MAGI2: variants seen among roughly 807,000 people sequenced by gnomAD.
The protein encoded by MAGI2 is membrane associated guanylate kinase, WW and PDZ domain containing 2, also known as membrane-associated guanylate kinase, WW and PDZ domain-containing protein 2.
A neutral mutation model predicts 133.3 loss-of-function variants in MAGI2; 35 were observed. That is an observed-to-expected ratio of 0.26 (90% CI 0.20 to 0.35). The LOEUF (loss-of-function observed/expected upper bound fraction) is 0.35. Ranked by LOEUF, MAGI2 falls within the 10% of genes least tolerant of loss-of-function variation. The pLI, the probability that MAGI2 is intolerant of heterozygous loss-of-function variation, is 1.00. For missense variants in MAGI2, 1,636 were observed against 1,863.4 expected (o/e 0.88, Z 2.25); for synonymous variants, 729 against 710.6 (o/e 1.03, Z -0.41).
chr7:79,372,225 T>G (rs10259758), intron 1 of MAGI2, among the ~76,000 whole-genome samples: 5 of 152,132 alleles, frequency 3.3e-5, no homozygotes, highest in Admixed American at 3.3e-4. Flanking sequence ...TAGTGTTTTG[T>G]CTTCACTGGA....
At chr7:79,368,496 AG>A (rs1182471632) in intron 1 of MAGI2, among the ~76,000 whole-genome samples, 1 of 152,194 alleles carries the variant, frequency 6.6e-6, no homozygotes, top group Non-Finnish European at 1.5e-5. Context: ...TCAGAAGACT[AG>A]GGAAAAAAAT....
chr7:78,815,234 T>C (rs1789462237), intron 2 of MAGI2, among the ~76,000 whole-genome samples: 1 of 152,202 alleles, frequency 6.6e-6, no homozygotes, highest in Admixed American at 6.6e-5. Flanking sequence ...GTAGTTTTAA[T>C]GCAGCAAGGG....
chr7:79,226,037 C>A (rs983632282), intron 1 of MAGI2, among the ~76,000 whole-genome samples: 1 of 152,064 alleles, frequency 6.6e-6, no homozygotes, highest in Admixed American at 6.6e-5. Flanking sequence ...TGATTCATAG[C>A]CTGTTCTGTT....
intron 9 of MAGI2, among the ~76,000 whole-genome samples, chr7:78,336,781 A>AGC (rs1789814303): frequency 1.4e-4 from 13 of 92,156 alleles, no homozygotes; most frequent in Non-Finnish European, 3.2e-4. Context: ...AAGAAGAAGA[A>AGC]AAGAAAGAAG....
intron 1 of MAGI2, among the ~76,000 whole-genome samples, chr7:79,149,159 A>G (rs1822956147): frequency 1.4e-5 from 2 of 145,358 alleles, no homozygotes; most frequent in African/African-American, 2.5e-5. Context: ...ATATATATAT[A>G]TTATATATAT....
chr7:78,705,284 C>T (rs1818527157), intron 2 of MAGI2, among the ~76,000 whole-genome samples: 1 of 152,024 alleles, frequency 6.6e-6, no homozygotes, highest in Admixed American at 6.6e-5. Flanking sequence ...CTTCCCCCTT[C>T]ACTCTCTCTT....
At position 78,670,186 on chromosome 7, in the gene MAGI2, C is replaced by T. The variant is rs913009581; in HGVS notation, c.419-42947G>A. On this transcript the variant is annotated intron_variant, in intron 2 of 21. Coordinates refer to ENST00000354212, the MANE Select transcript of MAGI2 (RefSeq NM_012301.4). ...ATCTAGAAAACCCCATTGTCTCAGCCCAAAATCTTCTTAAGCTGATAAGCA... is the reference window on the plus strand; with the variant it reads ...ATCTAGAAAACCCCATTGTCTCAGCTCAAAATCTTCTTAAGCTGATAAGCA... Among the ~76,000 whole-genome samples, 8 of 152,012 alleles carry T rather than the reference C, an allele frequency of 5.3e-5. No homozygotes were observed. The South Asian group carries it at 6.2e-4, about 12-fold the overall frequency.
At chr7:78,830,318 T>C (rs1288025376) in intron 2 of MAGI2, among the ~76,000 whole-genome samples, 1 of 152,164 alleles carries the variant, frequency 6.6e-6, no homozygotes, top group Non-Finnish European at 1.5e-5. Context: ...TCATGACCAC[T>C]TTTTTATCTT....
chr7:78,423,399 A>G (rs1798979057), intron 6 of MAGI2, among the ~76,000 whole-genome samples: 1 of 152,128 alleles, frequency 6.6e-6, no homozygotes, highest in South Asian at 2.1e-4. Context: ...TTCTTTTGTA[A>G]ATTGCCCAGT....
chr7:78,571,090 GCT>G (rs549583967), intron 3 of MAGI2, among the ~76,000 whole-genome samples: 1 of 152,122 alleles, frequency 6.6e-6, no homozygotes, highest in African/African-American at 2.4e-5. Flanking sequence ...GAAGTGAAAT[GCT>G]CTCTGTCATG....
At chr7:78,564,589 C>T (rs1800740187) in intron 3 of MAGI2, among the ~76,000 whole-genome samples, 1 of 151,978 alleles carries the variant, frequency 6.6e-6, no homozygotes, top group Non-Finnish European at 1.5e-5. Context: ...TCTTTATTGT[C>T]ACCAAAAGCC....
chr7:78,353,073 A>T (rs1455109703), intron 7 of MAGI2: 1 of 152,206 alleles, frequency 6.6e-6, no homozygotes, highest in Non-Finnish European at 1.5e-5. Context: ...GTATCTCTCT[A>T]AAATGTTATT....
At chr7:79,435,148 T>C (rs1330340158) in intron 1 of MAGI2, among the ~76,000 whole-genome samples, 1 of 152,236 alleles carries the variant, frequency 6.6e-6, no homozygotes, top group Non-Finnish European at 1.5e-5. Context: ...AAATTCCTTG[T>C]AACTATCAGT....
intron 1 of MAGI2, among the ~76,000 whole-genome samples, chr7:79,013,822 A>G (rs1401212549): frequency 6.6e-6 from 1 of 152,130 alleles, no homozygotes; most frequent in Non-Finnish European, 1.5e-5. Context: ...CCTTCCCCTA[A>G]TAATTCCCAA....
At chr7:78,362,460 T>C (rs1243853636) in intron 7 of MAGI2, among the ~76,000 whole-genome samples, 1 of 152,108 alleles carries the variant, frequency 6.6e-6, no homozygotes, top group Non-Finnish European at 1.5e-5. Flanking sequence ...TTATCAACTA[T>C]GAACTATCAG....
At chr7:79,262,392 T>G (rs574722143) in intron 1 of MAGI2, among the ~76,000 whole-genome samples, 1 of 152,344 alleles carries the variant, frequency 6.6e-6, no homozygotes, top group East Asian at 1.9e-4. Context: ...TTTGAATTTA[T>G]GCTTAAAATA....
chr7:78,235,458 C>A (rs1390646707), intron 10 of MAGI2, among the ~76,000 whole-genome samples: 2 of 152,140 alleles, frequency 1.3e-5, no homozygotes, highest in Non-Finnish European at 2.9e-5. Flanking sequence ...TGGGAGGAAC[C>A]CAGTGGGAAG....
chr7:78,552,332 C>T (rs1799418665), intron 3 of MAGI2, among the ~76,000 whole-genome samples: 1 of 151,978 alleles, frequency 6.6e-6, no homozygotes, highest in African/African-American at 2.4e-5. Context: ...TACAGGCATG[C>T]ATCACCACGC....
rs71085562 is a variant in MAGI2 at position 78,760,361 on chromosome 7, CTTTTTTTTTT to C, written c.419-133132_419-133123del. 9.4e-3 allele frequency among the ~76,000 whole-genome samples: 1,172 copies of C among 124,644 alleles called. 13 individuals are homozygous for C. Among genetic ancestry groups the C allele is most frequent in the African/African-American group, 0.033 (1,106 of 33,186 alleles). 81.8% of individuals were successfully genotyped at this position (124,644 alleles called of 152,430 possible). On this transcript the variant is annotated intron_variant, in intron 2 of 21. Coordinates refer to ENST00000354212, the MANE Select transcript of MAGI2 (RefSeq NM_012301.4). ...TCCTACAACTGGACTTTAATTCTCTCTTTTTTTTTTTTTTTTTTGAGATGAAGTTTTGCTC... is the reference window on the plus strand; with the variant it reads ...TCCTACAACTGGACTTTAATTCTCTCTTTTTTTTGAGATGAAGTTTTGCTC...
Sources: gnomAD v4.1 joint callset for allele counts (sites outside exome capture counted in the v4.1 genomes callset) on GRCh38, gnomAD v4.1.1 for gene constraint, MANE v1.5 for transcripts, NCBI Gene and HGNC (gene_info 2026-07-23, HGNC 2026-07-21) for gene names.